Variants in PTPN11 observed in about 807,000 individuals in gnomAD.
The protein encoded by PTPN11 is protein tyrosine phosphatase non-receptor type 11.
Under a neutral mutation model 78.8 loss-of-function variants are expected in PTPN11, and 6 were observed. That is an observed-to-expected ratio of 0.08 (90% confidence interval 0.04 to 0.15). The LOEUF is 0.15. PTPN11 is among the 10% of genes least tolerant of loss of function. The probability of loss-of-function intolerance (pLI) is 1.00; values close to 1 mark genes in which losing one functional copy is unlikely to be tolerated. For synonymous variants in PTPN11, 221 were observed against 263.5 expected, an observed-to-expected ratio of 0.84 and a Z score of 1.56; for missense variants, 386 against 744.8, an observed-to-expected ratio of 0.52 and a Z score of 5.61.
At chr12:112,444,501 C>T (rs953762834) in intron 1 of PTPN11, among the ~76,000 whole-genome samples, 2 of 152,042 alleles carry the variant, frequency 1.3e-5, no homozygotes, top group African/African-American at 4.8e-5. Context: ...GCCACCACGC[C>T]CAACTAATTT....
At chr12:112,498,678 GGGTGGA>G (rs2038839964) in intron 13 of PTPN11, among the ~76,000 whole-genome samples, 1 of 152,166 alleles carries the variant, frequency 6.6e-6, no homozygotes, top group African/African-American at 2.4e-5. Context: ...CGTTGAATTT[GGGTGGA>G]GATAGATCAA....
intron 14 of PTPN11, among the ~76,000 whole-genome samples, chr12:112,503,967 C>G (rs573363943): frequency 1.3e-5 from 2 of 152,170 alleles, no homozygotes; most frequent in Admixed American, 1.3e-4. Context: ...ATAACCTGAG[C>G]TGGGGCTAAA....
chr12:112,442,571 C>T (rs1005077633), intron 1 of PTPN11, among the ~76,000 whole-genome samples: 1 of 151,494 alleles, frequency 6.6e-6, no homozygotes, highest in African/African-American at 2.4e-5. Flanking sequence ...CCTGCCTCAG[C>T]CCCCTGAGTA....
intron 13 of PTPN11, among the ~76,000 whole-genome samples, chr12:112,493,423 C>T (rs1313999476): frequency 7.2e-6 from 1 of 139,552 alleles, no homozygotes; most frequent in Non-Finnish European, 1.5e-5. Flanking sequence ...CTCACTTTGT[C>T]ACCCTGGCTG....
intron 6 of PTPN11, among the ~76,000 whole-genome samples, chr12:112,470,899 C>T (rs60208219): frequency 5.3e-4 from 80 of 152,316 alleles, no homozygotes; most frequent in African/African-American, 1.9e-3. Context: ...CTTGCTAACA[C>T]AGCAGTATTG....
intron 6 of PTPN11, among the ~76,000 whole-genome samples, chr12:112,470,893 C>A (rs1271795018): frequency 1.3e-5 from 2 of 152,202 alleles, no homozygotes; most frequent in Non-Finnish European, 1.5e-5. Flanking sequence ...AACCTTCTTG[C>A]TAACACAGCA....
At chr12:112,447,315 A>G (rs2038008938) in intron 2 of PTPN11, among the ~76,000 whole-genome samples, 1 of 152,144 alleles carries the variant, frequency 6.6e-6, no homozygotes, top group Non-Finnish European at 1.5e-5. Flanking sequence ...CCCCAGAGGA[A>G]ACCACCAAGA....
intron 1 of PTPN11, among the ~76,000 whole-genome samples, chr12:112,444,243 A>G (rs2037954795): frequency 6.6e-6 from 1 of 152,212 alleles, no homozygotes; most frequent in South Asian, 2.1e-4. Context: ...GCTGCTGTGA[A>G]TATGAGTTAT....
chr12:112,484,463 G>A (rs2038643939), intron 10 of PTPN11, among the ~76,000 whole-genome samples: 1 of 152,194 alleles, frequency 6.6e-6, no homozygotes, highest in African/African-American at 2.4e-5. Flanking sequence ...TGTCCCCAGA[G>A]CACGGGGACT....
chr12:112,438,486 ATT>A (rs980146025), intron 1 of PTPN11, among the ~76,000 whole-genome samples: 2 of 143,200 alleles, frequency 1.4e-5, no homozygotes, highest in Non-Finnish European at 1.5e-5. Flanking sequence ...ACCATACCTA[ATT>A]TTTTTTTTTT....
At chr12:112,432,583 C>T (rs957072892) in intron 1 of PTPN11, among the ~76,000 whole-genome samples, 5 of 150,950 alleles carry the variant, frequency 3.3e-5, no homozygotes, top group Admixed American at 2.7e-4. Flanking sequence ...GCAGGAGAAT[C>T]GCTTGAACCC....
intron 2 of PTPN11, among the ~76,000 whole-genome samples, chr12:112,448,641 T>C (rs2038029333): frequency 6.6e-6 from 1 of 152,210 alleles, no homozygotes; most frequent in Non-Finnish European, 1.5e-5. Flanking sequence ...CTAAATCTTT[T>C]AGTGATCTCT....
chr12:112,455,142 T>C (rs2038138075), intron 5 of PTPN11, among the ~76,000 whole-genome samples: 1 of 151,924 alleles, frequency 6.6e-6, no homozygotes, highest in Non-Finnish European at 1.5e-5. Flanking sequence ...TTATTATGAT[T>C]CCACTCACTG....
intron 1 of PTPN11, among the ~76,000 whole-genome samples, chr12:112,426,766 G>A (rs1444686982): frequency 6.6e-6 from 1 of 151,918 alleles, no homozygotes; most frequent in East Asian, 1.9e-4. Flanking sequence ...TATGAGATGA[G>A]TGGTACCTAC....
intron 4 of PTPN11, among the ~76,000 whole-genome samples, chr12:112,454,063 TATC>T (rs1408398407): frequency 5.9e-5 from 9 of 152,202 alleles, no homozygotes; most frequent in South Asian, 4.1e-4. Context: ...TTATTATACT[TATC>T]ATACTTGAGT....
At chr12:112,471,397 G>A (rs956122210) in intron 6 of PTPN11, among the ~76,000 whole-genome samples, 2 of 145,532 alleles carry the variant, frequency 1.4e-5, no homozygotes, top group Non-Finnish European at 3.0e-5. Context: ...TTTTGAGACA[G>A]GATCTTGTTT....
At chr12:112,470,805 T>A (rs1156983214) in intron 6 of PTPN11, among the ~76,000 whole-genome samples, 2 of 152,230 alleles carry the variant, frequency 1.3e-5, no homozygotes, top group African/African-American at 4.8e-5. Context: ...CTTCATTTAG[T>A]TGAAGTGATT....
intron 1 of PTPN11, among the ~76,000 whole-genome samples, chr12:112,442,029 G>A (rs960517815): frequency 1.3e-5 from 2 of 151,862 alleles, no homozygotes; most frequent in Non-Finnish European, 2.9e-5. Context: ...CGCCCGCCTC[G>A]GCCTCCCAAA....
At chr12:112,471,196 G>A (rs1395552625) in intron 6 of PTPN11, among the ~76,000 whole-genome samples, 1 of 152,118 alleles carries the variant, frequency 6.6e-6, no homozygotes, top group African/African-American at 2.4e-5. Context: ...AATAAAACAG[G>A]GCTGCTGTGT....
Sources: gnomAD v4.1 joint callset for allele counts (sites outside exome capture counted in the v4.1 genomes callset) on GRCh38, gnomAD v4.1.1 for gene constraint, MANE v1.5 for transcripts, NCBI Gene and HGNC (gene_info 2026-07-23, HGNC 2026-07-21) for gene names.